The following TSPEAR variants were observed in gnomAD, a reference collection of about 807,000 sequenced individuals.
TSPEAR encodes the protein thrombospondin-type laminin G domain and EAR repeat-containing protein.
A neutral mutation model predicts 71.6 loss-of-function variants in TSPEAR; 69 were observed. The observed-to-expected ratio is 0.96, with a 90% CI of 0.79 to 1.18. The LOEUF is 1.18. Among genes scored for constraint, TSPEAR ranks in the 50% most tolerant of loss-of-function variants. The pLI, the probability that TSPEAR is intolerant of heterozygous loss-of-function variation, is 0.00. For synonymous variants in TSPEAR, 402 were observed against 387.2 expected (o/e 1.04, Z -0.45); for missense variants, 971 against 894.9 (o/e 1.09, Z -1.09).
intron 1 of TSPEAR, among the ~76,000 whole-genome samples, chr21:44,572,880 C>T (rs1456042622): frequency 2.1e-5 from 3 of 143,540 alleles, no homozygotes; most frequent in African/African-American, 7.8e-5. Flanking sequence ...CACACACACA[C>T]ACACACGGAG....
At chr21:44,594,415 A>T (rs1334904595) in intron 1 of TSPEAR, among the ~76,000 whole-genome samples, 5 of 152,156 alleles carry the variant, frequency 3.3e-5, no homozygotes, top group Admixed American at 3.3e-4. Flanking sequence ...ACACTAGGGG[A>T]TAAATTGCTT....
chr21:44,648,584 C>T (rs781859402), intron 1 of TSPEAR, among the ~76,000 whole-genome samples: 7 of 152,186 alleles, frequency 4.6e-5, no homozygotes, highest in Non-Finnish European at 1.0e-4. Flanking sequence ...ATGTTTCCAC[C>T]TCACCACTAA....
chr21:44,595,663 TGAG>T (rs782482355), intron 1 of TSPEAR, among the ~76,000 whole-genome samples: 29 of 152,192 alleles, frequency 1.9e-4, no homozygotes, highest in Non-Finnish European at 2.6e-4. Context: ...CGTGCGGCAC[TGAG>T]GAGAACATAA....
intron 2 of TSPEAR, chr21:44,551,314 G>T: frequency 1.2e-6 from 2 of 1,613,372 alleles, no homozygotes; most frequent in Non-Finnish European, 1.7e-6. Flanking sequence ...CAGCTCACTG[G>T]GGTGCAGACC....
At chr21:44,650,725 TC>T (rs1199578082) in intron 1 of TSPEAR, among the ~76,000 whole-genome samples, 1 of 150,052 alleles carries the variant, frequency 6.7e-6, no homozygotes, top group Non-Finnish European at 1.5e-5. Context: ...CAACACGCCC[TC>T]CAGCTCCAGC....
intron 1 of TSPEAR, chr21:44,647,492 C>T (rs979137708): frequency 6.2e-5 from 65 of 1,041,952 alleles, no homozygotes; most frequent in African/African-American, 6.5e-5. Flanking sequence ...GGATTTTGAG[C>T]GCGTCACACT....
intron 2 of TSPEAR, among the ~76,000 whole-genome samples, chr21:44,543,758 G>A (rs2053258938): frequency 6.6e-6 from 1 of 152,146 alleles, no homozygotes; most frequent in South Asian, 2.1e-4. Flanking sequence ...AAGGAGCAAG[G>A]GCATATTCTC....
At chr21:44,570,388 C>A (rs2053775785) in intron 1 of TSPEAR, among the ~76,000 whole-genome samples, 1 of 152,204 alleles carries the variant, frequency 6.6e-6, no homozygotes, top group Admixed American at 6.5e-5. Context: ...ACAGCCTCGG[C>A]AGTGCTGGGT....
intron 3 of TSPEAR, among the ~76,000 whole-genome samples, chr21:44,532,800 G>A (rs1555915896): frequency 2.0e-5 from 3 of 152,174 alleles, no homozygotes; most frequent in Non-Finnish European, 2.9e-5. Context: ...ACCAGGCGAC[G>A]GCAAAAACGA....
In TSPEAR at chr21:44,695,186, G is replaced by A. The variant is rs886724526; in HGVS notation, c.82+16247C>T. On this transcript the variant is annotated intron_variant, in intron 1 of 11. Coordinates refer to ENST00000323084, the MANE Select transcript of TSPEAR (RefSeq NM_144991.3). This position sits in a 1 kb window ranked among gnomAD's most constrained non-coding sequence, Gnocchi z 4.5. ...GTGGGGAACCTATCCAGCCTCCCCC[G>A]ACCCCACCCCAACTCCTGTGGCTTT... Among the ~76,000 whole-genome samples the A allele has an allele frequency of 4.6e-5, 7 of 152,086 alleles. No individual in the cohort carries two copies. The highest frequency in any genetic ancestry group is 1.7e-4 in the African/African-American group (7 of 41,402).
intron 1 of TSPEAR, among the ~76,000 whole-genome samples, chr21:44,703,651 C>G (rs539056930): frequency 6.6e-6 from 1 of 152,206 alleles, no homozygotes; most frequent in Non-Finnish European, 1.5e-5. Context: ...ATGGCAACAC[C>G]TCTTCTGTGG....
chr21:44,542,651 G>C (rs1206277077), intron 2 of TSPEAR, among the ~76,000 whole-genome samples: 2 of 149,520 alleles, frequency 1.3e-5, no homozygotes, highest in African/African-American at 4.9e-5. Context: ...AGAGGCTAAG[G>C]AGGAGAATCA....
chr21:44,501,487 C>T (rs2052028825), intron 11 of TSPEAR, among the ~76,000 whole-genome samples: 1 of 152,174 alleles, frequency 6.6e-6, no homozygotes, highest in Non-Finnish European at 1.5e-5. Context: ...GTCCCAGCTA[C>T]TCAGGAGGCT....
Position 44,602,515 on chromosome 21 carries a change from TGGCC to T in TSPEAR, c.83-34514_83-34511del, listed in dbSNP as rs1555929111. 1.0e-3 allele frequency among the ~76,000 whole-genome samples: 8 copies of T among 7,980 alleles called. No individual in the cohort carries two copies. The Non-Finnish European group carries it at 0.017, about 17-fold the overall frequency. 5.2% of individuals were successfully genotyped at this position (7,980 alleles called of 152,430 possible). Reference sequence around the variant, plus strand: ...CGGGGACGGCCATCCTGAGGCCCGCTGGCCGGGCTGGCCCTTGGCTGGCGTCTGG... The same window carrying T: ...CGGGGACGGCCATCCTGAGGCCCGCTGGGCTGGCCCTTGGCTGGCGTCTGG... On this transcript the variant is annotated intron_variant, in intron 1 of 11. Coordinates refer to ENST00000323084, the MANE Select transcript of TSPEAR (RefSeq NM_144991.3).
At chr21:44,540,252 C>T (rs959752467) in intron 2 of TSPEAR, 149 of 1,537,674 alleles carry the variant, frequency 9.7e-5, no homozygotes, top group Middle Eastern at 2.3e-4. Flanking sequence ...GTGTGAGCTT[C>T]GTGGGGCTCT....
chr21:44,528,743 A>G (rs2052907145), intron 5 of TSPEAR, among the ~76,000 whole-genome samples, 160 bp from the exon 6 acceptor site: 1 of 152,216 alleles, frequency 6.6e-6, no homozygotes, highest in Non-Finnish European at 1.5e-5. Context: ...GCCACATCAC[A>G]GACGGGGAAT....
At chr21:44,514,486 G>A (rs1433836615) in intron 9 of TSPEAR, among the ~76,000 whole-genome samples, 3 of 152,228 alleles carry the variant, frequency 2.0e-5, no homozygotes, top group African/African-American at 4.8e-5. Flanking sequence ...CTAACATGGT[G>A]GCTGCTGCTG....
intron 1 of TSPEAR, among the ~76,000 whole-genome samples, chr21:44,698,503 G>A (rs1255237921): frequency 6.6e-6 from 1 of 152,232 alleles, no homozygotes. Context: ...AGGCAAGTCC[G>A]TCTCCCAGGG....
intron 1 of TSPEAR, among the ~76,000 whole-genome samples, chr21:44,621,301 ACTGT>A (rs1555933464): frequency 2.0e-5 from 3 of 152,236 alleles, no homozygotes; most frequent in African/African-American, 7.2e-5. Flanking sequence ...TAGAACTGGA[ACTGT>A]CTATTTCTTT....
Sources: allele counts gnomAD v4.1 joint callset (sites outside exome capture counted in the v4.1 genomes callset), GRCh38; gene constraint gnomAD v4.1.1; non-coding constraint Gnocchi (gnomAD v3.1); transcripts MANE v1.5; gene names NCBI Gene and HGNC (gene_info 2026-07-23, HGNC 2026-07-21).